Variants in THSD7B observed in about 807,000 individuals in gnomAD.
The protein encoded by THSD7B is thrombospondin type-1 domain-containing protein 7B.
THSD7B carries 138 observed loss-of-function variants against 213.6 expected under a neutral mutation model. The observed-to-expected ratio is 0.65, with a 90% CI of 0.56 to 0.74. The LOEUF is 0.74. THSD7B is among the 30% of genes least tolerant of loss of function. The pLI is 0.00. For missense variants in THSD7B, 1,931 were observed against 1,991.5 expected (o/e 0.97, Z 0.58); for synonymous variants, 742 against 687.0 (o/e 1.08, Z -1.25).
chr2:136,860,138 C>G (rs35845238), intron 1 of THSD7B, among the ~76,000 whole-genome samples: 21,527 of 151,124 alleles, frequency 0.14, 2,194 homozygotes, highest in Non-Finnish European at 0.22. Flanking sequence ...CTGCCTCAGC[C>G]TCCCGAGTAG....
intron 17 of THSD7B, among the ~76,000 whole-genome samples, chr2:137,594,350 GTGCAAGTCATTAGC>G (rs1230497168): frequency 6.6e-6 from 1 of 151,952 alleles, no homozygotes; most frequent in Admixed American, 6.6e-5. Context: ...AGAGTCTCGG[GTGCAAGTCATTAGC>G]TGCAAGTCAT....
chr2:137,069,514 G>C (rs1687441046), intron 3 of THSD7B, among the ~76,000 whole-genome samples: 1 of 151,936 alleles, frequency 6.6e-6, no homozygotes, highest in Non-Finnish European at 1.5e-5. Context: ...CCTTTTAAGA[G>C]CTATGATTAT....
chr2:137,564,842 A>G (rs1015167266), intron 16 of THSD7B, among the ~76,000 whole-genome samples: 2 of 152,304 alleles, frequency 1.3e-5, no homozygotes, highest in Admixed American at 1.3e-4. Flanking sequence ...ATTATTCTAC[A>G]ATAGGATGAA....
intron 10 of THSD7B, among the ~76,000 whole-genome samples, chr2:137,272,307 G>A (rs1354690913): frequency 6.6e-6 from 1 of 152,078 alleles, no homozygotes; most frequent in Non-Finnish European, 1.5e-5. Context: ...TTAAGACAGC[G>A]GGAAATAATT....
intron 15 of THSD7B, among the ~76,000 whole-genome samples, chr2:137,562,316 G>A (rs1558840553): frequency 6.6e-6 from 1 of 152,110 alleles, no homozygotes; most frequent in Non-Finnish European, 1.5e-5. Context: ...AGCCATCTTT[G>A]TGATCATGCA....
intron 1 of THSD7B, among the ~76,000 whole-genome samples, chr2:136,874,725 CTG>C (rs1288810404): frequency 2.0e-5 from 3 of 152,110 alleles, no homozygotes; most frequent in African/African-American, 4.8e-5. Context: ...AAAGGAGAAA[CTG>C]TGTTTTTTAT....
At chr2:137,321,580 A>G (rs1684265347) in intron 12 of THSD7B, among the ~76,000 whole-genome samples, 1 of 152,210 alleles carries the variant, frequency 6.6e-6, no homozygotes, top group Non-Finnish European at 1.5e-5. Flanking sequence ...AGTCTGGCAC[A>G]TCAACAGCTG....
intron 3 of THSD7B, among the ~76,000 whole-genome samples, chr2:137,078,878 G>T (rs1272041847): frequency 6.6e-6 from 1 of 151,894 alleles, no homozygotes; most frequent in Non-Finnish European, 1.5e-5. Flanking sequence ...TTAAATGTAA[G>T]CTATTTTAAT....
chr2:137,423,268 C>G (rs999345180), intron 14 of THSD7B, among the ~76,000 whole-genome samples: 1 of 151,994 alleles, frequency 6.6e-6, no homozygotes, highest in African/African-American at 2.4e-5. Flanking sequence ...CTATTCAGCA[C>G]CATGCTGGAG....
intron 15 of THSD7B, among the ~76,000 whole-genome samples, chr2:137,517,358 G>A (rs1383834533): frequency 1.3e-5 from 2 of 152,220 alleles, no homozygotes; most frequent in Non-Finnish European, 2.9e-5. Flanking sequence ...GGACTTACTG[G>A]TAAATCATTT....
intron 2 of THSD7B, among the ~76,000 whole-genome samples, chr2:137,036,093 G>C (rs1686768993): frequency 6.6e-6 from 1 of 152,092 alleles, no homozygotes; most frequent in Non-Finnish European, 1.5e-5. Flanking sequence ...GTGATTCAGA[G>C]TTTTTTATAT....
intron 2 of THSD7B, among the ~76,000 whole-genome samples, chr2:137,052,625 G>A (rs193129423): frequency 6.6e-6 from 1 of 152,062 alleles, no homozygotes; most frequent in East Asian, 1.9e-4. Flanking sequence ...TCATGCAACT[G>A]CTTACATTTT....
chr2:136,882,111 G>A, intron 1 of THSD7B, 33 bp from the exon 2 acceptor site: 1 of 1,391,634 alleles, frequency 7.2e-7, no homozygotes, highest in Non-Finnish European at 9.3e-7. Flanking sequence ...CTTTACAGAA[G>A]AAACTTACCT....
chr2:137,456,688 C>T (rs560939482), intron 15 of THSD7B, among the ~76,000 whole-genome samples: 6 of 152,090 alleles, frequency 3.9e-5, no homozygotes, highest in Non-Finnish European at 7.3e-5. Flanking sequence ...TTCTTACATG[C>T]AGAGGGGAGG....
chr2:137,479,541 C>T (rs1356730818), intron 15 of THSD7B: 1 of 353,642 alleles, frequency 2.8e-6, no homozygotes, highest in South Asian at 2.1e-5. Context: ...CAGCCTTAGG[C>T]AGGTGGCTGG....
chr2:136,954,685 C>G (rs1685094382), intron 2 of THSD7B, among the ~76,000 whole-genome samples: 1 of 143,596 alleles, frequency 7.0e-6, no homozygotes, highest in Admixed American at 7.1e-5. Context: ...CCACTGCACT[C>G]CAGCCTGGGT....
At chr2:136,909,518 G>T (rs553147303) in intron 2 of THSD7B, among the ~76,000 whole-genome samples, 4 of 152,246 alleles carry the variant, frequency 2.6e-5, no homozygotes, top group Admixed American at 2.6e-4. Context: ...CAGAGTCTTG[G>T]TGAGTTTTGA....
At chr2:136,859,785 A>G (rs566608422) in intron 1 of THSD7B, among the ~76,000 whole-genome samples, 7 of 152,282 alleles carry the variant, frequency 4.6e-5, no homozygotes, top group African/African-American at 1.7e-4. Context: ...TATAGCCCCA[A>G]AAGAGCAGCC....
chr2:137,071,787 A>C (rs925855354), intron 3 of THSD7B, among the ~76,000 whole-genome samples: 4 of 152,150 alleles, frequency 2.6e-5, no homozygotes, highest in Non-Finnish European at 5.9e-5. Context: ...TTTTTGTATA[A>C]GGTGTAAGGA....
Sources: gnomAD v4.1 joint callset for allele counts (sites outside exome capture counted in the v4.1 genomes callset) on GRCh38, gnomAD v4.1.1 for gene constraint, MANE v1.5 for transcripts, NCBI Gene and HGNC (gene_info 2026-07-23, HGNC 2026-07-21) for gene names.